LDLRAD3: variants seen among roughly 807,000 people sequenced by gnomAD.
LDLRAD3 encodes the protein low-density lipoprotein receptor class A domain-containing protein 3.
A neutral mutation model predicts 29.4 loss-of-function variants in LDLRAD3; 20 were observed. That is an observed-to-expected ratio of 0.68 (90% CI 0.48 to 0.99). LDLRAD3 has a LOEUF of 0.99. Among genes scored for constraint, LDLRAD3 ranks in the 50% least tolerant of loss-of-function variants. The pLI, the probability that LDLRAD3 is intolerant of heterozygous loss-of-function variation, is 0.00. For missense variants in LDLRAD3, 420 were observed against 454.3 expected (o/e 0.92, Z 0.69); for synonymous variants, 157 against 192.7 (o/e 0.81, Z 1.53).
intron 1 of LDLRAD3, among the ~76,000 whole-genome samples, chr11:36,006,716 G>A: frequency 6.6e-6 from 1 of 152,242 alleles, no homozygotes; most frequent in East Asian, 1.9e-4. Context: ...TGGTGGTGGT[G>A]AACAATCCCA....
At chr11:36,086,926 T>C (rs1202805186) in intron 3 of LDLRAD3, among the ~76,000 whole-genome samples, 1 of 152,216 alleles carries the variant, frequency 6.6e-6, no homozygotes, top group East Asian at 1.9e-4. Context: ...GACAGTCGTC[T>C]GATGCAGTGC....
At chr11:36,156,698 A>T (rs1012261842) in intron 4 of LDLRAD3, among the ~76,000 whole-genome samples, 4 of 152,122 alleles carry the variant, frequency 2.6e-5, no homozygotes, top group African/African-American at 9.7e-5. Flanking sequence ...TCCCCTCCTC[A>T]TGGCACCCAC....
At chr11:36,000,086 A>T (rs181330910) in intron 1 of LDLRAD3, among the ~76,000 whole-genome samples, 1 of 152,190 alleles carries the variant, frequency 6.6e-6, no homozygotes, top group South Asian at 2.1e-4. Context: ...ATCGATGCAG[A>T]TAAATCTCTA....
intron 1 of LDLRAD3, among the ~76,000 whole-genome samples, chr11:35,950,255 A>G (rs1418025185): frequency 6.6e-6 from 1 of 152,208 alleles, no homozygotes; most frequent in Non-Finnish European, 1.5e-5. Flanking sequence ...AGCCGTGAAG[A>G]TGTCACAGTG....
chr11:36,130,572 C>A (rs1853910844), intron 4 of LDLRAD3, among the ~76,000 whole-genome samples: 1 of 152,174 alleles, frequency 6.6e-6, no homozygotes, highest in African/African-American at 2.4e-5. Flanking sequence ...ATCCACAAAG[C>A]AGCAACCACT....
chr11:35,945,947 T>G (rs1476993671), intron 1 of LDLRAD3, among the ~76,000 whole-genome samples: 1 of 152,194 alleles, frequency 6.6e-6, no homozygotes, highest in Non-Finnish European at 1.5e-5. Context: ...GGAGGAATAG[T>G]CCAACTGTCC....
intron 2 of LDLRAD3, among the ~76,000 whole-genome samples, chr11:36,054,970 CATGGATGGATGGATGG>C (rs147422335): frequency 0.088 from 7,678 of 87,262 alleles, 355 homozygotes; most frequent in African/African-American, 0.18. Flanking sequence ...TGGATGGATG[CATGGATGGATGGATGG>C]ATGGATGGAT....
intron 4 of LDLRAD3, among the ~76,000 whole-genome samples, chr11:36,123,805 A>G (rs1270936947): frequency 6.6e-6 from 1 of 152,204 alleles, no homozygotes; most frequent in Non-Finnish European, 1.5e-5. Context: ...TGTGCCAACC[A>G]CCCGGACTCC....
chr11:35,969,374 A>G (rs983749453), intron 1 of LDLRAD3, among the ~76,000 whole-genome samples: 13 of 152,188 alleles, frequency 8.5e-5, no homozygotes, highest in African/African-American at 2.4e-4. Context: ...CTCCCAAGCC[A>G]CTTAACTTCC....
chr11:36,033,701 G>A (rs1852269016), intron 1 of LDLRAD3, among the ~76,000 whole-genome samples: 1 of 152,194 alleles, frequency 6.6e-6, no homozygotes, highest in Non-Finnish European at 1.5e-5. Context: ...GGTTTTCTGG[G>A]TTGAGCATTT....
chr11:36,061,397 T>G (rs955555348), intron 2 of LDLRAD3, among the ~76,000 whole-genome samples: 1 of 152,168 alleles, frequency 6.6e-6, no homozygotes, highest in Non-Finnish European at 1.5e-5. Context: ...TGCCTTGGCC[T>G]CCCAAAGCGC....
At chr11:36,028,871 A>C (rs1243333874) in intron 1 of LDLRAD3, among the ~76,000 whole-genome samples, 1 of 152,184 alleles carries the variant, frequency 6.6e-6, no homozygotes, top group Non-Finnish European at 1.5e-5. Flanking sequence ...GACCTTGGGC[A>C]AGTTACTTCT....
chr11:36,095,713 C>T (rs1853349980), intron 3 of LDLRAD3, among the ~76,000 whole-genome samples: 1 of 152,142 alleles, frequency 6.6e-6, no homozygotes. Context: ...AAGTAGATGA[C>T]AGTAGTTTCA....
intron 1 of LDLRAD3, among the ~76,000 whole-genome samples, chr11:35,971,972 A>C (rs915660871): frequency 6.6e-6 from 1 of 152,144 alleles, no homozygotes; most frequent in African/African-American, 2.4e-5. Flanking sequence ...GTTTATGGGA[A>C]CACTGAAGGA....
At chr11:36,141,035 T>TCTCTCC (rs71044551) in intron 4 of LDLRAD3, among the ~76,000 whole-genome samples, 59 of 145,882 alleles carry the variant, frequency 4.0e-4, no homozygotes, top group African/African-American at 1.2e-3. Context: ...TCTCTCTCTC[T>TCTCTCC]CCGTGTGGGG....
At chr11:35,980,553 A>C (rs1284633645) in intron 1 of LDLRAD3, among the ~76,000 whole-genome samples, 1 of 152,232 alleles carries the variant, frequency 6.6e-6, no homozygotes, top group Admixed American at 6.5e-5. Flanking sequence ...TATTTTATTA[A>C]TGAGAAACTT....
intron 4 of LDLRAD3, among the ~76,000 whole-genome samples, chr11:36,106,153 G>A (rs1226495563): frequency 2.0e-5 from 3 of 152,174 alleles, no homozygotes; most frequent in South Asian, 2.1e-4. Flanking sequence ...AGAACTCCTG[G>A]TCTGCCTATG....
chr11:35,989,743 A>T (rs1851664188), intron 1 of LDLRAD3, among the ~76,000 whole-genome samples: 1 of 152,164 alleles, frequency 6.6e-6, no homozygotes, highest in Non-Finnish European at 1.5e-5. Context: ...TGATTTTTGT[A>T]CATTGATTTT....
chr11:36,215,479 AG>A (rs1855339507), intron 4 of LDLRAD3, among the ~76,000 whole-genome samples: 1 of 152,194 alleles, frequency 6.6e-6, no homozygotes, highest in Non-Finnish European at 1.5e-5. Flanking sequence ...CACAGGCACC[AG>A]GACTGGGGAT....
Sources: gnomAD v4.1 joint callset for allele counts (sites outside exome capture counted in the v4.1 genomes callset) on GRCh38, gnomAD v4.1.1 for gene constraint, MANE v1.5 for transcripts, NCBI Gene and HGNC (gene_info 2026-07-23, HGNC 2026-07-21) for gene names.